ASIC2: variants seen among roughly 807,000 people sequenced by gnomAD.
ASIC2 encodes acid-sensing ion channel 2.
A neutral mutation model predicts 57.3 loss-of-function variants in ASIC2; 25 were observed. That is an observed-to-expected ratio of 0.44 (90% CI 0.32 to 0.61). The LOEUF is 0.61. ASIC2 is among the 20% of genes least tolerant of loss of function. The probability of loss-of-function intolerance (pLI) is 0.06; values close to 1 mark genes in which losing one functional copy is unlikely to be tolerated. For synonymous variants in ASIC2, 319 were observed against 307.5 expected (o/e 1.04, Z -0.39); for missense variants, 641 against 738.1 (o/e 0.87, Z 1.52).
intron 1 of ASIC2, among the ~76,000 whole-genome samples, chr17:33,878,287 G>C (rs893584063): frequency 1.3e-5 from 2 of 152,208 alleles, no homozygotes; most frequent in African/African-American, 4.8e-5. Flanking sequence ...AGAGAAGAAG[G>C]CTTCAGATGA....
At chr17:34,026,761 G>T (rs1171861859) in intron 1 of ASIC2, among the ~76,000 whole-genome samples, 2 of 152,132 alleles carry the variant, frequency 1.3e-5, no homozygotes, top group Non-Finnish European at 2.9e-5. Flanking sequence ...TTGCAGATGA[G>T]AAAACTGAGG....
At chr17:33,398,737 A>G (rs1477157999) in intron 1 of ASIC2, among the ~76,000 whole-genome samples, 1 of 152,212 alleles carries the variant, frequency 6.6e-6, no homozygotes, top group Non-Finnish European at 1.5e-5. Context: ...CAGAGCTAGC[A>G]GCAGTCAACA....
chr17:33,118,760 G>C lies in ASIC2; in HGVS notation c.709-6693C>G, dbSNP rs560989855. Among the ~76,000 whole-genome samples, 4 of 152,234 alleles carry C rather than the reference G, an allele frequency of 2.6e-5. No individual in the cohort carries two copies. The South Asian group carries it at 8.3e-4, about 32-fold the overall frequency. On this transcript the variant is annotated intron_variant, in intron 1 of 9. Coordinates refer to ENST00000225823, the MANE Select transcript of ASIC2 (RefSeq NM_183377.2). ...TGGAGGGAGAGTAGAGATCTGACCTGGGCTTCATGTCTTGAACCTCTGCTT... is the reference window on the plus strand; with the variant it reads ...TGGAGGGAGAGTAGAGATCTGACCTCGGCTTCATGTCTTGAACCTCTGCTT...
At chr17:33,244,034 T>A (rs974906586) in intron 1 of ASIC2, among the ~76,000 whole-genome samples, 5 of 152,224 alleles carry the variant, frequency 3.3e-5, no homozygotes, top group African/African-American at 1.2e-4. Context: ...CGCTTCTATA[T>A]GCTCATGAGA....
intron 1 of ASIC2, among the ~76,000 whole-genome samples, chr17:33,924,722 T>G (rs979597929): frequency 3.9e-5 from 6 of 152,182 alleles, no homozygotes; most frequent in Admixed American, 6.5e-5. Flanking sequence ...CAAGTGCTGG[T>G]TGGCCATATG....
intron 1 of ASIC2, among the ~76,000 whole-genome samples, chr17:33,644,524 T>C (rs1416020330): frequency 6.6e-6 from 1 of 152,222 alleles, no homozygotes; most frequent in East Asian, 1.9e-4. Context: ...GTACACTTCT[T>C]AAAACTTTCA....
intron 1 of ASIC2, among the ~76,000 whole-genome samples, chr17:33,116,742 A>G (rs751215972): frequency 1.1e-4 from 16 of 152,180 alleles, no homozygotes; most frequent in Admixed American, 1.3e-4. Flanking sequence ...TTGCATATAC[A>G]TAGAACTTCA....
chr17:33,698,298 G>C (rs991244656), intron 1 of ASIC2, among the ~76,000 whole-genome samples: 2 of 152,076 alleles, frequency 1.3e-5, no homozygotes, highest in African/African-American at 4.8e-5. Flanking sequence ...ACGCATCTCG[G>C]TACTTAAGAT....
At chr17:33,164,241 A>G (rs540229510) in intron 1 of ASIC2, among the ~76,000 whole-genome samples, 2 of 152,106 alleles carry the variant, frequency 1.3e-5, no homozygotes, top group Admixed American at 6.5e-5. Context: ...GGCCTGCCCC[A>G]TGCTCTGTGC....
At chr17:33,040,592 G>T (rs891821074) in intron 3 of ASIC2, among the ~76,000 whole-genome samples, 2 of 152,198 alleles carry the variant, frequency 1.3e-5, no homozygotes, top group Non-Finnish European at 2.9e-5. Context: ...TGGTCTAAAT[G>T]TTTAGGTCAG....
chr17:33,569,287 T>TC (rs1244695763), intron 1 of ASIC2: 1 of 152,234 alleles, frequency 6.6e-6, no homozygotes, highest in African/African-American at 2.4e-5. Flanking sequence ...CATGTCTGAG[T>TC]CCCCTGTCGT....
At chr17:33,133,427 T>C (rs542317019) in intron 1 of ASIC2, among the ~76,000 whole-genome samples, 1 of 152,262 alleles carries the variant, frequency 6.6e-6, no homozygotes, top group South Asian at 2.1e-4. Context: ...TATGGGGAAC[T>C]GAAGGCTGGG....
At chr17:33,570,691 T>G (rs1185591865) in intron 1 of ASIC2, among the ~76,000 whole-genome samples, 1 of 152,236 alleles carries the variant, frequency 6.6e-6, no homozygotes, top group African/African-American at 2.4e-5. Flanking sequence ...GTGGTTCTTC[T>G]GCTGGTCTTC....
At chr17:34,099,196 GAAA>G (rs1910698643) in intron 1 of ASIC2, among the ~76,000 whole-genome samples, 2 of 89,368 alleles carry the variant, frequency 2.2e-5, no homozygotes, top group African/African-American at 5.1e-5. Flanking sequence ...AAGAAAGAAA[GAAA>G]GAAAGAAAGA....
At chr17:33,511,679 C>G (rs772804653) in intron 1 of ASIC2, among the ~76,000 whole-genome samples, 4 of 152,204 alleles carry the variant, frequency 2.6e-5, no homozygotes, top group Non-Finnish European at 5.9e-5. Flanking sequence ...ACTTGGGGTC[C>G]CCTTATTCAT....
At chr17:33,356,806 G>A (rs1908393578) in intron 1 of ASIC2, among the ~76,000 whole-genome samples, 1 of 151,960 alleles carries the variant, frequency 6.6e-6, no homozygotes, top group Non-Finnish European at 1.5e-5. Context: ...TGCAATCACG[G>A]GCTTGATGCA....
At chr17:33,383,103 T>C (rs2141947450) in intron 1 of ASIC2, among the ~76,000 whole-genome samples, 1 of 152,350 alleles carries the variant, frequency 6.6e-6, no homozygotes, top group East Asian at 1.9e-4. Context: ...CTTCAAGACC[T>C]ACCTCAGATG....
chr17:33,389,460 G>C (rs996738605), intron 1 of ASIC2, among the ~76,000 whole-genome samples: 1 of 152,220 alleles, frequency 6.6e-6, no homozygotes, highest in Non-Finnish European at 1.5e-5. Context: ...CCCCAATTCT[G>C]TTAGTGGATT....
At chr17:33,772,846 T>C (rs1911155885) in intron 1 of ASIC2, among the ~76,000 whole-genome samples, 1 of 152,196 alleles carries the variant, frequency 6.6e-6, no homozygotes, top group Non-Finnish European at 1.5e-5. Flanking sequence ...TGTGTGGTCT[T>C]GTTGAAATTA....
Sources: allele counts gnomAD v4.1 joint callset (sites outside exome capture counted in the v4.1 genomes callset), GRCh38; gene constraint gnomAD v4.1.1; transcripts MANE v1.5; gene names NCBI Gene and HGNC (gene_info 2026-07-23, HGNC 2026-07-21).